The following SEMA3C variants were observed in gnomAD, a reference collection of about 807,000 sequenced individuals.
SEMA3C encodes semaphorin 3C, also known as semaphorin-3C.
SEMA3C carries 47 observed loss-of-function variants against 89.4 expected under a neutral mutation model. That is an observed-to-expected ratio of 0.53 (90% CI 0.42 to 0.67). SEMA3C has a LOEUF of 0.67. SEMA3C is among the 30% of genes least tolerant of loss of function. The pLI is 0.00. For missense variants in SEMA3C, 839 were observed against 929.1 expected (o/e 0.90, Z 1.26); for synonymous variants, 310 against 320.2 (o/e 0.97, Z 0.34).
intron 2 of SEMA3C, among the ~76,000 whole-genome samples, chr7:80,829,670 G>A (rs1562895058): frequency 6.6e-6 from 1 of 152,050 alleles, no homozygotes; most frequent in African/African-American, 2.4e-5. Context: ...ATCCTCAGAG[G>A]TTAGTGACTC....
At chr7:80,767,020 C>T (rs1788319861) in intron 12 of SEMA3C, among the ~76,000 whole-genome samples, 1 of 152,164 alleles carries the variant, frequency 6.6e-6, no homozygotes, top group African/African-American at 2.4e-5. Context: ...GTATGAGAAC[C>T]TGTAACACCC....
intron 11 of SEMA3C, among the ~76,000 whole-genome samples, chr7:80,791,416 C>T (rs1371576107): frequency 1.3e-5 from 2 of 152,080 alleles, no homozygotes; most frequent in African/African-American, 4.8e-5. Context: ...GAAACAAAAA[C>T]ACTATATTTT....
chr7:80,770,526 A>G (rs1453198551), intron 12 of SEMA3C, among the ~76,000 whole-genome samples: 1 of 152,226 alleles, frequency 6.6e-6, no homozygotes, highest in East Asian at 1.9e-4. Context: ...GTAAAACGTA[A>G]ATAATAACCA....
At chr7:80,782,103 G>T (rs1788704138) in intron 12 of SEMA3C, among the ~76,000 whole-genome samples, 1 of 152,126 alleles carries the variant, frequency 6.6e-6, no homozygotes, top group Non-Finnish European at 1.5e-5. Flanking sequence ...AAAATTTAGT[G>T]ATACATCAAA....
rs1789324747 is a variant in SEMA3C at position 80,805,751 on chromosome 7, C to T, written c.546G>A (p.Glu182=). The T allele has an allele frequency of 3.1e-6, 5 of 1,589,262 alleles. No homozygotes were observed. Among genetic ancestry groups the T allele is most frequent in the Admixed American group, 3.6e-5 (2 of 55,454 alleles). The change falls in exon 7 of 18, where the codon GAG becomes GAA. Residue 182 remains glutamate, a synonymous_variant. Transcript: ENST00000265361. ...VNTVSVMINE[E]LFSGMYIDFM... The stretch of plus-strand genomic sequence containing the variant: ...AATCTATATACATTCCAGAGAAAAG[C>T]TCCTCATCTATGAAAAAGAAAATAT...
intron 3 of SEMA3C, 61 bp downstream of exon 3, chr7:80,828,524 T>C: frequency 7.3e-7 from 1 of 1,365,392 alleles, no homozygotes; most frequent in East Asian, 2.4e-5. Context: ...ACTTATTTAT[T>C]TTTTTTAAAA....
chr7:80,907,757 A>G (rs1055970104), intron 2 of SEMA3C, among the ~76,000 whole-genome samples: 1 of 151,986 alleles, frequency 6.6e-6, no homozygotes, highest in African/African-American at 2.4e-5. Flanking sequence ...ATTATTCGAT[A>G]ATTCTTTTCA....
chr7:80,911,331 G>A (rs962478169), intron 2 of SEMA3C, among the ~76,000 whole-genome samples: 1 of 152,080 alleles, frequency 6.6e-6, no homozygotes, highest in South Asian at 2.1e-4. Flanking sequence ...GTGTTTAATT[G>A]CCAAAACTAT....
At chr7:80,882,809 G>A (rs1044578966) in intron 2 of SEMA3C, among the ~76,000 whole-genome samples, 1 of 151,840 alleles carries the variant, frequency 6.6e-6, no homozygotes, top group African/African-American at 2.4e-5. Flanking sequence ...TTAGAGTTAT[G>A]TGGAAAACTT....
intron 15 of SEMA3C, among the ~76,000 whole-genome samples, chr7:80,755,410 T>C (rs1282373542): frequency 6.7e-6 from 1 of 149,504 alleles, no homozygotes; most frequent in Non-Finnish European, 1.5e-5. Context: ...ATATACAGTA[T>C]GGACTTTTAC....
chr7:80,816,354 G>T (rs1028574315), intron 5 of SEMA3C: 1 of 152,000 alleles, frequency 6.6e-6, no homozygotes, highest in Non-Finnish European at 1.5e-5. Context: ...AATTAGGTTT[G>T]AATAGATGAA....
chr7:80,814,502 T>C (rs1473653681), intron 5 of SEMA3C, among the ~76,000 whole-genome samples: 5 of 152,076 alleles, frequency 3.3e-5, no homozygotes, highest in Non-Finnish European at 7.4e-5. Flanking sequence ...TCTAACTCCC[T>C]CTCTGCATAA....
intron 2 of SEMA3C, among the ~76,000 whole-genome samples, chr7:80,901,690 A>C (rs574651560): frequency 1.3e-5 from 2 of 152,294 alleles, no homozygotes; most frequent in East Asian, 3.9e-4. Context: ...ATGTCCTAGA[A>C]TATCATCTGC....
intron 2 of SEMA3C, among the ~76,000 whole-genome samples, chr7:80,903,453 G>A (rs1218894743): frequency 6.6e-6 from 1 of 152,174 alleles, no homozygotes; most frequent in Admixed American, 6.5e-5. Flanking sequence ...CTGAGGTCAG[G>A]AGTTCAGGAC....
At chr7:80,778,561 A>G (rs1367180381) in intron 12 of SEMA3C, among the ~76,000 whole-genome samples, 1 of 152,212 alleles carries the variant, frequency 6.6e-6, no homozygotes, top group Non-Finnish European at 1.5e-5. Context: ...GGCCTTGAAT[A>G]TCTATCTACA....
chr7:80,899,309 G>A (rs144327702), intron 2 of SEMA3C, among the ~76,000 whole-genome samples: 1 of 152,114 alleles, frequency 6.6e-6, no homozygotes, highest in Non-Finnish European at 1.5e-5. Context: ...CGAAAGTGCT[G>A]GGATTACAGG....
chr7:80,805,161 C>T (rs936164677), intron 7 of SEMA3C, among the ~76,000 whole-genome samples: 1 of 151,852 alleles, frequency 6.6e-6, no homozygotes, highest in Non-Finnish European at 1.5e-5. Flanking sequence ...AAAATACATA[C>T]CAGTTTTGTA....
intron 6 of SEMA3C, among the ~76,000 whole-genome samples, chr7:80,809,740 T>C (rs542738090): frequency 6.6e-6 from 1 of 152,308 alleles, no homozygotes; most frequent in South Asian, 2.1e-4. Context: ...TTTAAAAACA[T>C]GGTACATATA....
intron 9 of SEMA3C, among the ~76,000 whole-genome samples, chr7:80,801,506 C>T (rs1490734962): frequency 6.6e-6 from 1 of 151,890 alleles, no homozygotes; most frequent in Non-Finnish European, 1.5e-5. Context: ...ATAGAAAACT[C>T]CAATTAATAA....
Sources: allele counts gnomAD v4.1 joint callset (sites outside exome capture counted in the v4.1 genomes callset), GRCh38; gene constraint gnomAD v4.1.1; transcripts MANE v1.5; gene names NCBI Gene and HGNC (gene_info 2026-07-23, HGNC 2026-07-21).